The following TMPRSS3 variants were observed in gnomAD, a reference collection of about 807,000 sequenced individuals.
The protein encoded by TMPRSS3 is transmembrane serine protease 3, also known as transmembrane protease serine 3.
Under a neutral mutation model 59.6 loss-of-function variants are expected in TMPRSS3, and 55 were observed. That is an observed-to-expected ratio of 0.92 (90% CI 0.74 to 1.16). The LOEUF is 1.16. Among genes scored for constraint, TMPRSS3 ranks in the 50% most tolerant of loss-of-function variants. TMPRSS3 has a pLI of 0.00. For missense variants in TMPRSS3, 596 were observed against 579.4 expected, an observed-to-expected ratio of 1.03 and a Z score of -0.29; for synonymous variants, 257 against 237.7, an observed-to-expected ratio of 1.08 and a Z score of -0.75.
chr21:42,378,411 T>C (rs1344017109), intron 10 of TMPRSS3, among the ~76,000 whole-genome samples: 1 of 152,066 alleles, frequency 6.6e-6, no homozygotes, highest in African/African-American at 2.4e-5. Context: ...TGGAACAGGG[T>C]CTTTGCAGAT....
At chr21:42,395,575 G>A (rs1434234269) in intron 1 of TMPRSS3, 107 bp from the exon 2 acceptor site, 3 of 701,204 alleles carry the variant, frequency 4.3e-6, no homozygotes, top group African/African-American at 3.6e-5. Flanking sequence ...TCCACACAAA[G>A]CGCATTCAGT....
At position 42,372,983 on chromosome 21, in the gene TMPRSS3, G is replaced by C. The variant is rs111745087; in HGVS notation, c.1345-204C>G. On this transcript the variant is annotated intron_variant, in intron 12 of 12. Coordinates refer to ENST00000644384, the MANE Select transcript of TMPRSS3 (RefSeq NM_001256317.3). ...AAAAGCTCCAACCAGCAATGCATCC[G>C]CAGGTCCCATCTCCGCCCTGCGACA... Among the ~76,000 whole-genome samples the C allele has an allele frequency of 0.054, 8,259 of 152,126 alleles. 476 individuals are homozygous for C. Among genetic ancestry groups the C allele is most frequent in the African/African-American group, 0.15 (6,171 of 41,476 alleles).
chr21:42,372,672 C>T lies in TMPRSS3; in HGVS notation c.*90G>A, dbSNP rs752845603. 1.2e-5 allele frequency: 17 copies of T among 1,376,430 alleles called. No individual in the cohort carries two copies. Among genetic ancestry groups the T allele is most frequent in the Admixed American group, 5.0e-5 (3 of 59,738 alleles). 85.3% of individuals were successfully genotyped at this position (1,376,430 alleles called of 1,614,324 possible). ...ACTCAGAGCTCCAAGGGTGTCTGCT[C>T]GTGTGCAGGTTCCTACACGGGAGTC... On this transcript the variant is annotated 3_prime_UTR_variant, in exon 13 of 13. Coordinates refer to ENST00000644384, the MANE Select transcript of TMPRSS3 (RefSeq NM_001256317.3).
intron 12 of TMPRSS3, among the ~76,000 whole-genome samples, chr21:42,374,338 G>T (rs2052385049): frequency 6.6e-6 from 1 of 152,258 alleles, no homozygotes; most frequent in Non-Finnish European, 1.5e-5. Flanking sequence ...GGGCGGCAGT[G>T]CTGGAGGTGA....
chr21:42,372,655 C>T lies in TMPRSS3; in HGVS notation c.*107G>A, dbSNP rs1309818960. 8.4e-7 allele frequency: 1 copy of T among 1,185,046 alleles called. No individual in the cohort carries two copies. Among genetic ancestry groups the T allele is most frequent in the Non-Finnish European group, 1.3e-6 (1 of 788,760 alleles). 73.4% of individuals were successfully genotyped at this position (1,185,046 alleles called of 1,614,324 possible). A position where few individuals can be genotyped will look rare whatever the true frequency, so the allele number is the denominator to read the frequency against. On this transcript the variant is annotated 3_prime_UTR_variant, in exon 13 of 13. Transcript: ENST00000644384. ...CTGCTACTGGTGCCGGAACTCAGAG[C>T]TCCAAGGGTGTCTGCTCGTGTGCAG...
Position 42,375,736 on chromosome 21 carries a change from A to G in TMPRSS3, c.1324T>C (p.Trp442Arg). 1.2e-6 allele frequency: 2 copies of G among 1,613,776 alleles called. No individual in the cohort carries two copies. Among genetic ancestry groups the G allele is most frequent in the Non-Finnish European group, 1.7e-6 (2 of 1,180,016 alleles). ...VYTRVTSFLD[W>R]IHEQMERDLK... Reference sequence around the variant, plus strand: ...CCCACCTCCATCTGCTCGTGGATCCAGTCCAGGAAGGAGGTGACACGGGTG... The same window carrying G: ...CCCACCTCCATCTGCTCGTGGATCCGGTCCAGGAAGGAGGTGACACGGGTG... The change falls in exon 12 of 13, where the codon TGG becomes CGG. Residue 442 changes from tryptophan to arginine, a missense_variant. Physicochemically the swap from Trp to Arg is moderately radical, Grantham distance 101 (BLOSUM62 -3). Transcript: ENST00000644384.
At chr21:42,391,330 G>A (rs929193510) in intron 2 of TMPRSS3, among the ~76,000 whole-genome samples, 23 of 152,308 alleles carry the variant, frequency 1.5e-4, no homozygotes, top group African/African-American at 5.5e-4. Flanking sequence ...ACAAGCGTGA[G>A]CCACCATGTC....
At chr21:42,375,908 C>T (rs548463705) in intron 11 of TMPRSS3, 40 bp from the exon 12 acceptor site, 1 of 1,610,958 alleles carries the variant, frequency 6.2e-7, no homozygotes, top group African/African-American at 1.3e-5. Flanking sequence ...GGGACAGTCA[C>T]CGCCATGCGA....
rs201018751 is a variant in TMPRSS3 at position 42,375,720 on chromosome 21, A to G, written c.1340T>C (p.Met447Thr). 1.5e-5 allele frequency: 25 copies of G among 1,613,552 alleles called. No homozygotes were observed. Among genetic ancestry groups the G allele is most frequent in the Non-Finnish European group, 2.0e-5 (24 of 1,180,006 alleles). The change falls in exon 12 of 13, where the codon ATG (methionine) becomes ACG (threonine). Residue 447 changes from methionine to threonine, a missense_variant. Coordinates refer to ENST00000644384, the MANE Select transcript of TMPRSS3 (RefSeq NM_001256317.3). ...TGGGGAGGGCGCCGCACCCACCTCC[A>G]TCTGCTCGTGGATCCAGTCCAGGAA... Reference protein sequence around the residue: ...TSFLDWIHEQMERDLKT With the variant: ...TSFLDWIHEQTERDLKT
chr21:42,373,378 C>T (rs35981368), intron 12 of TMPRSS3, among the ~76,000 whole-genome samples: 30,069 of 152,178 alleles, frequency 0.2, 3,866 homozygotes, highest in East Asian at 0.55. Flanking sequence ...TTGGAGGCAG[C>T]GGATGACTAA....
In TMPRSS3 at chr21:42,388,795, A is replaced by G; in HGVS notation, c.322+134T>C. The G allele has an allele frequency of 1.0e-6, 1 of 976,002 alleles. No homozygotes were observed. 60.5% of individuals were successfully genotyped at this position (976,002 alleles called of 1,614,324 possible). ...CCCCAGCCCAACATGTCTTTGGGCAAACGCCAGTTCAATCCCAGCTGAAGA... is the reference window on the plus strand; with the variant it reads ...CCCCAGCCCAACATGTCTTTGGGCAGACGCCAGTTCAATCCCAGCTGAAGA... On this transcript the variant is annotated intron_variant, in intron 4 of 12. Transcript: ENST00000644384. This position sits in a 1 kb window ranked among gnomAD's most constrained non-coding sequence, Gnocchi z 5.1.
intron 9 of TMPRSS3, among the ~76,000 whole-genome samples, chr21:42,380,747 G>A (rs989912194): frequency 2.0e-5 from 3 of 152,262 alleles, no homozygotes; most frequent in African/African-American, 7.2e-5. Context: ...GAGTTTGCCT[G>A]TGTGTAGGGC....
At position 42,396,000 on chromosome 21, in the gene TMPRSS3, G is replaced by A. The variant is rs765518679; in HGVS notation, c.-110C>T. ...CACGGAAGAGATAGTAGGCCACAGT[G>A]TTACTGGCTTCCCATAAACACAGCC... is the stretch of plus-strand genomic sequence containing the variant. On this transcript the variant is annotated 5_prime_UTR_variant, in exon 1 of 13. Coordinates refer to ENST00000644384, the MANE Select transcript of TMPRSS3 (RefSeq NM_001256317.3). 5 of 518,880 alleles carry A rather than the reference G, an allele frequency of 9.6e-6. No homozygotes were observed. Among genetic ancestry groups the A allele is most frequent in the Non-Finnish European group, 1.5e-5 (4 of 259,884 alleles). The allele number at this position is 518,880 out of a possible 1,614,324, so 32.1% of individuals were successfully genotyped here.
intron 5 of TMPRSS3, among the ~76,000 whole-genome samples, chr21:42,387,746 G>A (rs912722211): frequency 1.3e-5 from 2 of 152,156 alleles, no homozygotes; most frequent in African/African-American, 4.8e-5. Flanking sequence ...TAAGGAGGCT[G>A]CTAGGGGAAC....
intron 10 of TMPRSS3, among the ~76,000 whole-genome samples, chr21:42,378,828 C>T (rs1240130337): frequency 6.6e-6 from 1 of 152,130 alleles, no homozygotes; most frequent in African/African-American, 2.4e-5. Context: ...AGCAATCCCA[C>T]CCCAGCCTCC....
intron 3 of TMPRSS3, 78 bp from the exon 4 acceptor site, chr21:42,389,123 C>G (rs1000197270): frequency 2.1e-5 from 34 of 1,599,472 alleles, no homozygotes; most frequent in Non-Finnish European, 2.7e-5. Flanking sequence ...CCCTGCCACA[C>G]AGTGCGGAGC....
At position 42,375,816 on chromosome 21, in the gene TMPRSS3, A is replaced by G; in HGVS notation, c.1244T>C (p.Val415Ala). 3.7e-6 allele frequency: 6 copies of G among 1,613,562 alleles called. No individual in the cohort carries two copies. The highest frequency in any genetic ancestry group is 2.2e-5 in the South Asian group (2 of 91,048). ...GCCGATGCCAAAGCTGGTCGCTCCC[A>G]CTAACTTCCACAGCCTCCTCTCTTG... ...VCQERRLWKL[V>A]GATSFGIGCA... is the part of the protein sequence containing the mutation. The change falls in exon 12 of 13, where the codon GTG (valine) becomes GCG (alanine). Residue 415 changes from valine to alanine, a missense_variant. By Grantham distance (64) the Val-to-Ala change is moderately conservative. Coordinates refer to ENST00000644384, the MANE Select transcript of TMPRSS3 (RefSeq NM_001256317.3).
chr21:42,374,730 T>A (rs1195452114), intron 12 of TMPRSS3, among the ~76,000 whole-genome samples: 2 of 152,174 alleles, frequency 1.3e-5, no homozygotes, highest in Non-Finnish European at 2.9e-5. Context: ...GTGAATTGTA[T>A]GTTATATAAA....
intron 2 of TMPRSS3, among the ~76,000 whole-genome samples, chr21:42,395,064 G>A (rs937622679): frequency 5.3e-5 from 8 of 152,124 alleles, no homozygotes; most frequent in African/African-American, 1.9e-4. Flanking sequence ...GGACAATTGT[G>A]GAGCCCCAGT....
Sources: allele counts gnomAD v4.1 joint callset (sites outside exome capture counted in the v4.1 genomes callset), GRCh38; gene constraint gnomAD v4.1.1; non-coding constraint Gnocchi (gnomAD v3.1); transcripts MANE v1.5; gene names NCBI Gene and HGNC (gene_info 2026-07-23, HGNC 2026-07-21).